The following RIMS2 variants were observed in gnomAD, a reference collection of about 807,000 sequenced individuals.
The protein encoded by RIMS2 is regulating synaptic membrane exocytosis 2.
Under a neutral mutation model 174.4 loss-of-function variants are expected in RIMS2, and 59 were observed. That is an observed-to-expected ratio of 0.34 (90% CI 0.27 to 0.42). The LOEUF (loss-of-function observed/expected upper bound fraction) is 0.42. Ranked by LOEUF, RIMS2 falls within the 10% of genes least tolerant of loss-of-function variation. The pLI, the probability that RIMS2 is intolerant of heterozygous loss-of-function variation, is 1.00. For synonymous variants in RIMS2, 606 were observed against 572.5 expected (o/e 1.06, Z -0.84); for missense variants, 1,620 against 1,666.3 (o/e 0.97, Z 0.48).
chr8:104,211,129 A>G (rs1338620726), intron 19 of RIMS2, among the ~76,000 whole-genome samples: 2 of 152,198 alleles, frequency 1.3e-5, no homozygotes, highest in Non-Finnish European at 2.9e-5. Flanking sequence ...TAGGCACTGG[A>G]TGGGGAGAAA....
chr8:103,689,933 T>G (rs2096993925), intron 1 of RIMS2, among the ~76,000 whole-genome samples: 1 of 151,666 alleles, frequency 6.6e-6, no homozygotes, highest in Non-Finnish European at 1.5e-5. Flanking sequence ...TTTGTTTGTT[T>G]TAATACATTC....
intron 14 of RIMS2, among the ~76,000 whole-genome samples, chr8:103,954,465 A>G (rs1349427214): frequency 2.6e-5 from 4 of 152,202 alleles, no homozygotes; most frequent in Non-Finnish European, 5.9e-5. Flanking sequence ...AAACCACACA[A>G]CTACATGGAA....
At chr8:103,849,656 TG>T (rs986679357) in intron 3 of RIMS2, among the ~76,000 whole-genome samples, 16 of 151,866 alleles carry the variant, frequency 1.1e-4, no homozygotes, top group African/African-American at 3.9e-4. Flanking sequence ...CCAGTGGAGG[TG>T]ACTTCTGTTA....
intron 19 of RIMS2, among the ~76,000 whole-genome samples, chr8:104,193,482 G>A (rs191241600): frequency 1.1e-4 from 16 of 152,122 alleles, no homozygotes; most frequent in East Asian, 3.9e-4. Context: ...TTATGGAGTC[G>A]ACCCTTCAAT....
intron 19 of RIMS2, among the ~76,000 whole-genome samples, chr8:104,049,771 A>G (rs1007301002): frequency 6.6e-6 from 1 of 152,242 alleles, no homozygotes; most frequent in African/African-American, 2.4e-5. Context: ...GAAAACACAC[A>G]AAAAGACATA....
chr8:103,774,655 A>G (rs913572501), intron 3 of RIMS2, among the ~76,000 whole-genome samples: 1 of 152,220 alleles, frequency 6.6e-6, no homozygotes, highest in South Asian at 2.1e-4. Context: ...ATTGTGATGA[A>G]TGGAAGAAGC....
chr8:103,890,910 C>T (rs974918152), intron 4 of RIMS2, among the ~76,000 whole-genome samples: 4 of 151,992 alleles, frequency 2.6e-5, no homozygotes, highest in African/African-American at 9.7e-5. Context: ...ACATTTGAGG[C>T]TGGATAATTG....
chr8:103,767,458 T>A (rs1415480505), intron 3 of RIMS2, among the ~76,000 whole-genome samples: 2 of 152,206 alleles, frequency 1.3e-5, no homozygotes, highest in African/African-American at 4.8e-5. Context: ...GTGCTGGGAT[T>A]ACAGGTGTGA....
At chr8:103,762,686 A>G (rs910919715) in intron 2 of RIMS2, among the ~76,000 whole-genome samples, 4 of 152,142 alleles carry the variant, frequency 2.6e-5, no homozygotes, top group African/African-American at 9.7e-5. Flanking sequence ...CTGTACTACA[A>G]TTGTGTTGCT....
At chr8:104,122,886 G>A (rs16870988) in intron 19 of RIMS2, among the ~76,000 whole-genome samples, 2,284 of 152,108 alleles carry the variant, frequency 0.015, 57 homozygotes, top group African/African-American at 0.048. Flanking sequence ...GTACTTGACA[G>A]TCAACAAGTT....
At chr8:104,125,698 A>C (rs1270163246) in intron 19 of RIMS2, among the ~76,000 whole-genome samples, 1 of 152,170 alleles carries the variant, frequency 6.6e-6, no homozygotes, top group Non-Finnish European at 1.5e-5. Flanking sequence ...TGAATCAGTA[A>C]ATCAGGTGTC....
chr8:104,194,610 C>T (rs1310923285), intron 19 of RIMS2, among the ~76,000 whole-genome samples: 1 of 152,044 alleles, frequency 6.6e-6, no homozygotes, highest in Non-Finnish European at 1.5e-5. Context: ...CCATCTAGTA[C>T]ATGGCACAAA....
At chr8:103,652,559 G>A in intron 1 of RIMS2, 65 bp from the exon 3 acceptor site, 1 of 852,848 alleles carries the variant, frequency 1.2e-6, no homozygotes, top group South Asian at 1.4e-5. Context: ...TTATGGATAA[G>A]AAAACGTTAA....
intron 3 of RIMS2, chr8:103,769,108 AT>A (rs1313900301): frequency 5.4e-6 from 1 of 184,980 alleles, no homozygotes; most frequent in East Asian, 1.5e-4. Context: ...TTGTTTAAAA[AT>A]TAACCACATG....
At chr8:103,702,847 CA>C (rs1295312505) in intron 2 of RIMS2, among the ~76,000 whole-genome samples, 1 of 129,772 alleles carries the variant, frequency 7.7e-6, no homozygotes, top group Non-Finnish European at 1.6e-5. Flanking sequence ...GTAATTCCTC[CA>C]GCTGTTTTTT....
In RIMS2 at chr8:103,802,927, A is replaced by G. The variant is rs2098623607; in HGVS notation, c.698+36390A>G. On this transcript the variant is annotated intron_variant, in intron 3 of 23. Transcript: ENST00000504942. ...CCTATTGCATATTTTTAATTTTCCAAGGATTCAGGCATTTAAATTGGTCAA... is the reference window on the plus strand; with the variant it reads ...CCTATTGCATATTTTTAATTTTCCAGGGATTCAGGCATTTAAATTGGTCAA... Among the ~76,000 whole-genome samples, 3 of 152,200 alleles carry G rather than the reference A, an allele frequency of 2.0e-5. No homozygotes were observed. The South Asian group carries it at 6.2e-4, about 31-fold the overall frequency.
intron 19 of RIMS2, among the ~76,000 whole-genome samples, chr8:104,152,294 G>A (rs2098694568): frequency 6.6e-6 from 1 of 151,838 alleles, no homozygotes; most frequent in South Asian, 2.1e-4. Flanking sequence ...CATTATAATG[G>A]GTACATTTTT....
chr8:104,023,640 T>A (rs941055138), intron 19 of RIMS2, among the ~76,000 whole-genome samples: 2 of 152,148 alleles, frequency 1.3e-5, no homozygotes, highest in Non-Finnish European at 2.9e-5. Context: ...ATATGATAAG[T>A]TAGAGATGCT....
At chr8:103,804,241 G>A (rs944300838) in intron 3 of RIMS2, among the ~76,000 whole-genome samples, 1 of 152,036 alleles carries the variant, frequency 6.6e-6, no homozygotes, top group Non-Finnish European at 1.5e-5. Flanking sequence ...TTAGCCTCTG[G>A]AAAACTCCAC....
Sources: gnomAD v4.1 joint callset for allele counts (sites outside exome capture counted in the v4.1 genomes callset) on GRCh38, gnomAD v4.1.1 for gene constraint, MANE v1.5 for transcripts, NCBI Gene and HGNC (gene_info 2026-07-23, HGNC 2026-07-21) for gene names.